Variants in CAPN9 observed in about 807,000 individuals in gnomAD.
The protein encoded by CAPN9 is calpain 9, also known as calpain-9.
A neutral mutation model predicts 92.8 loss-of-function variants in CAPN9; 81 were observed. That is an observed-to-expected ratio of 0.87 (90% CI 0.73 to 1.05). The LOEUF (loss-of-function observed/expected upper bound fraction) is 1.05. Among genes scored for constraint, CAPN9 ranks in the 50% least tolerant of loss-of-function variants. The probability of loss-of-function intolerance (pLI) is 0.00; values close to 1 mark genes in which losing one functional copy is unlikely to be tolerated. For missense variants in CAPN9, 848 were observed against 866.2 expected (o/e 0.98, Z 0.26); for synonymous variants, 304 against 328.0 (o/e 0.93, Z 0.79).
At chr1:230,761,601 C>T (rs1365272191) in intron 3 of CAPN9, among the ~76,000 whole-genome samples, 1 of 150,928 alleles carries the variant, frequency 6.6e-6, no homozygotes, top group Non-Finnish European at 1.5e-5. Flanking sequence ...GTGGCCAACT[C>T]TTCTGATTGG....
intron 5 of CAPN9, among the ~76,000 whole-genome samples, chr1:230,768,094 C>T (rs915182604): frequency 8.0e-5 from 12 of 149,350 alleles, no homozygotes; most frequent in Admixed American, 2.0e-4. Flanking sequence ...ATAAATAAAA[C>T]ACAAGTTTTA....
chr1:230,781,981 T>G (rs538344170), intron 11 of CAPN9, among the ~76,000 whole-genome samples: 2 of 152,352 alleles, frequency 1.3e-5, no homozygotes, highest in African/African-American at 4.8e-5. Flanking sequence ...CAGATACTAG[T>G]ACAAGATGGG....
intron 12 of CAPN9, among the ~76,000 whole-genome samples, chr1:230,787,086 C>T (rs1221910426): frequency 6.6e-6 from 1 of 152,222 alleles, no homozygotes; most frequent in Non-Finnish European, 1.5e-5. Flanking sequence ...ATTTACTGAG[C>T]TCTTTCTATA....
At chr1:230,767,824 C>A in intron 5 of CAPN9, 115 bp downstream of exon 5, 2 of 947,144 alleles carry the variant, frequency 2.1e-6, no homozygotes, top group African/African-American at 1.7e-5. Flanking sequence ...AGGGGCATAA[C>A]TCTTGGGGGC....
chr1:230,768,037 TAAATAAATAAATAAATAAAAAATA>T (rs1190095218), intron 5 of CAPN9, among the ~76,000 whole-genome samples: 138 of 108,272 alleles, frequency 1.3e-3, no homozygotes, highest in Middle Eastern at 4.7e-3. Flanking sequence ...AATAAATAAA[TAAATAAATAAATAAATAAAAAATA>T]AAATAAAATA....
Position 230,769,665 on chromosome 1 carries a change from CTAT to C in CAPN9, c.789+403_789+405del, listed in dbSNP as rs1558095414. Among the ~76,000 whole-genome samples the C allele has an allele frequency of 9.7e-5, 9 of 93,084 alleles. 1 individual carries two copies. The highest frequency in any genetic ancestry group is 2.9e-4 in the African/African-American group (9 of 31,484). 61.1% of individuals were successfully genotyped at this position (93,084 alleles called of 152,430 possible). ...TCTATCTATCTATCTATCTATCTAT[CTAT>C]CTATCTATCTATCTACATCACACAG... On this transcript the variant is annotated intron_variant, in intron 6 of 19. Coordinates refer to ENST00000271971, the MANE Select transcript of CAPN9 (RefSeq NM_006615.3).
At position 230,792,799 on chromosome 1, in the gene CAPN9, G is replaced by T. The variant is rs747090757; in HGVS notation, c.1792-51G>T. 5 of 1,491,898 alleles carry T rather than the reference G, an allele frequency of 3.4e-6. No homozygotes were observed. Among genetic ancestry groups the T allele is most frequent in the Non-Finnish European group, 4.7e-6 (5 of 1,070,720 alleles). 92.4% of individuals were successfully genotyped at this position (1,491,898 alleles called of 1,614,324 possible). A position where few individuals can be genotyped will look rare whatever the true frequency, so the allele number is the denominator to read the frequency against. On this transcript the variant is annotated intron_variant, in intron 16 of 19. Coordinates refer to ENST00000271971, the MANE Select transcript of CAPN9 (RefSeq NM_006615.3). ...CTGTCACCCATTTACTGCCATCAGC[G>T]ATGCCTTTCAGGCACGCTCCTTCTC...
At chr1:230,758,026 A>C (rs767042717) in intron 2 of CAPN9, among the ~76,000 whole-genome samples, 14 of 152,122 alleles carry the variant, frequency 9.2e-5, no homozygotes, top group Admixed American at 7.9e-4. Flanking sequence ...CACTTCTTCC[A>C]GGCACAGCTG....
chr1:230,767,271 G>T (rs1340054945), intron 4 of CAPN9, among the ~76,000 whole-genome samples: 2 of 152,126 alleles, frequency 1.3e-5, no homozygotes, highest in African/African-American at 2.4e-5. Context: ...GTAGAACCAG[G>T]ATTTGAACCT....
intron 12 of CAPN9, chr1:230,786,232 G>T: frequency 1.1e-6 from 1 of 928,564 alleles, no homozygotes; most frequent in Non-Finnish European, 1.3e-6. Flanking sequence ...AGTGAGGTGG[G>T]TGCTTGGTAT....
Position 230,772,102 on chromosome 1 carries a change from C to T in CAPN9, c.875+3C>T, listed in dbSNP as rs1378070201. ...TGGAACGGGTCGTGGAGCGACAGGT[C>T]AGTCACCCTATCCTGCCTCTCTGGC... On this transcript the variant is annotated splice_donor_region_variant and intron_variant, in intron 7 of 19. Transcript: ENST00000271971. 4 of 1,613,634 alleles carry T rather than the reference C, an allele frequency of 2.5e-6. No individual in the cohort carries two copies. The Admixed American group carries it at 5.0e-5, about 20-fold the overall frequency.
At position 230,772,077 on chromosome 1, in the gene CAPN9, T is replaced by G. The variant is rs757014743; in HGVS notation, c.853T>G (p.Trp285Gly). The G allele has an allele frequency of 1.2e-6, 2 of 1,614,148 alleles. No individual in the cohort carries two copies. The highest frequency in any genetic ancestry group is 3.3e-5 in the Admixed American group (2 of 60,034). ...RIRNPWGQVE[W>G]NGSWSDSSPE... ...CCGGAACCCTTGGGGCCAGGTTGAGTGGAACGGGTCGTGGAGCGACAGGTC... is the reference window on the plus strand; with the variant it reads ...CCGGAACCCTTGGGGCCAGGTTGAGGGGAACGGGTCGTGGAGCGACAGGTC... Residue 285 changes from tryptophan to glycine, a missense_variant, in exon 7 of 20, where the codon TGG becomes GGG. Coordinates refer to ENST00000271971, the MANE Select transcript of CAPN9 (RefSeq NM_006615.3).
intron 7 of CAPN9, among the ~76,000 whole-genome samples, chr1:230,773,530 T>C (rs1666528298): frequency 6.6e-6 from 1 of 152,112 alleles, no homozygotes; most frequent in African/African-American, 2.4e-5. Context: ...AAATTTGTCT[T>C]CCACTCATGC....
intron 19 of CAPN9, among the ~76,000 whole-genome samples, chr1:230,800,223 GAA>G (rs1558123872): frequency 1.3e-4 from 5 of 37,356 alleles, no homozygotes; most frequent in African/African-American, 2.0e-4. Context: ...AGAAAAATAA[GAA>G]AGAAAGAAGA....
Position 230,759,692 on chromosome 1 carries a change from AT to A in CAPN9, c.402+65del. 5.1e-6 allele frequency: 5 copies of A among 987,172 alleles called. No homozygotes were observed. In the South Asian group the frequency reaches 7.6e-5, roughly 15 times the overall value. 61.2% of individuals were successfully genotyped at this position (987,172 alleles called of 1,614,324 possible). ...TGGGGCCCGGCATGAGGGCAGGTGC[AT>A]TTCCACACTGCCTGGTAACCCTAGA... On this transcript the variant is annotated intron_variant, in intron 3 of 19. Transcript: ENST00000271971.
At chr1:230,800,240 AAGAAAG>A (rs1380409242) in intron 19 of CAPN9, among the ~76,000 whole-genome samples, 1 of 82,598 alleles carries the variant, frequency 1.2e-5, no homozygotes, top group African/African-American at 5.0e-5. Context: ...AGAAGAAAGA[AAGAAAG>A]AAAGAAAGAA....
At position 230,766,038 on chromosome 1, in the gene CAPN9, G is replaced by C. The variant is rs12562240; in HGVS notation, c.537-1503G>C. The stretch of plus-strand genomic sequence containing the variant: ...CTCTTGATATCATGAGATGAGAGGG[G>C]AGCTTTACCTCTCCGGTCTTCCTTC... On this transcript the variant is annotated intron_variant, in intron 4 of 19. Coordinates refer to ENST00000271971, the MANE Select transcript of CAPN9 (RefSeq NM_006615.3). 4.8e-3 allele frequency among the ~76,000 whole-genome samples: 735 copies of C among 152,196 alleles called. 26 individuals are homozygous for C. The East Asian group carries it at 0.083, about 17-fold the overall frequency.
intron 1 of CAPN9, among the ~76,000 whole-genome samples, chr1:230,750,077 T>A (rs2102821202): frequency 6.6e-6 from 1 of 152,170 alleles, no homozygotes; most frequent in Non-Finnish European, 1.5e-5. Context: ...GACTCTAGAG[T>A]CCCAGATCTC....
At position 230,775,507 on chromosome 1, in the gene CAPN9, G is replaced by T. The variant is rs920782280; in HGVS notation, c.953+876G>T. Among the ~76,000 whole-genome samples the T allele has an allele frequency of 3.9e-5, 6 of 152,164 alleles. No homozygotes were observed. The East Asian group carries it at 1.2e-3, about 29-fold the overall frequency. On this transcript the variant is annotated intron_variant, in intron 8 of 19. Transcript: ENST00000271971. ...CTTATTTCTTCCTGTTTGGGTTCTA[G>T]AAGTTGGCCCTTCTAACCCTGTGAG... is the stretch of plus-strand genomic sequence containing the variant.
Sources: gnomAD v4.1 joint callset for allele counts (sites outside exome capture counted in the v4.1 genomes callset) on GRCh38, gnomAD v4.1.1 for gene constraint, MANE v1.5 for transcripts, NCBI Gene and HGNC (gene_info 2026-07-23, HGNC 2026-07-21) for gene names.